STAG1: variants seen among roughly 807,000 people sequenced by gnomAD.
The protein encoded by STAG1 is cohesin subunit SA-1.
STAG1 carries 26 observed loss-of-function variants against 170.9 expected under a neutral mutation model. The ratio of observed to expected loss-of-function variants is 0.15; its 90% CI spans 0.11 to 0.21. STAG1 has a LOEUF of 0.21. Among genes scored for constraint, STAG1 ranks in the 10% least tolerant of loss-of-function variants. STAG1 has a pLI of 1.00. For missense variants in STAG1, 964 were observed against 1,509.5 expected (o/e 0.64, Z 5.99); for synonymous variants, 514 against 497.7 (o/e 1.03, Z -0.44).
At chr3:136,638,275 A>C (rs1940657456) in intron 1 of STAG1, among the ~76,000 whole-genome samples, 3 of 151,936 alleles carry the variant, frequency 2.0e-5, no homozygotes. Flanking sequence ...CTGGGATTAC[A>C]ATTACCCACC....
chr3:136,725,288 G>T (rs1157955601), intron 1 of STAG1, among the ~76,000 whole-genome samples: 1 of 152,044 alleles, frequency 6.6e-6, no homozygotes, highest in Admixed American at 6.6e-5. Context: ...GGGTGTGTGT[G>T]TGTGTGTGTT....
intron 1 of STAG1, among the ~76,000 whole-genome samples, chr3:136,638,187 C>T (rs768786925): frequency 2.7e-5 from 4 of 150,732 alleles, no homozygotes; most frequent in Non-Finnish European, 4.4e-5. Flanking sequence ...AGTGCAATGG[C>T]GCGATCTCAG....
At chr3:136,702,075 AAGAGAG>A (rs745623191) in intron 1 of STAG1, among the ~76,000 whole-genome samples, 10,755 of 91,752 alleles carry the variant, frequency 0.12, 720 homozygotes, top group Admixed American at 0.13. Flanking sequence ...ACCATGCCGA[AAGAGAG>A]AGAGAGAGAG....
chr3:136,455,713 G>A (rs977025243), intron 13 of STAG1, among the ~76,000 whole-genome samples: 4 of 152,214 alleles, frequency 2.6e-5, no homozygotes, highest in African/African-American at 9.6e-5. Context: ...CAATCCAAGC[G>A]AAGGATCAAA....
chr3:136,576,112 G>A (rs932524182), intron 4 of STAG1, among the ~76,000 whole-genome samples: 2 of 152,058 alleles, frequency 1.3e-5, no homozygotes, highest in African/African-American at 4.8e-5. Context: ...TGTCTATAAA[G>A]GAACGTTTCA....
rs1439209384 is a variant in STAG1, at chr3:136,463,783, A to ACACACG, written c.1313+1097_1313+1098insCGTGTG. ...TGTGTGTGTGTATACACACACACAC[A>ACACACG]CACACACATATACATATACATACAT... On this transcript the variant is annotated intron_variant, in intron 13 of 33. Coordinates refer to ENST00000383202, the MANE Select transcript of STAG1 (RefSeq NM_005862.3). Among the ~76,000 whole-genome samples the ACACACG allele has an allele frequency of 5.9e-4, 80 of 135,202 alleles. 1 individual carries two copies. The highest frequency in any genetic ancestry group is 9.7e-4 in the Non-Finnish European group (59 of 60,538). 88.7% of individuals were successfully genotyped at this position (135,202 alleles called of 152,430 possible).
chr3:136,376,013 TAACA>T (rs1187017691), intron 23 of STAG1, among the ~76,000 whole-genome samples: 2 of 15,710 alleles, frequency 1.3e-4, no homozygotes, highest in African/African-American at 3.0e-4. Context: ...AATAAATAAT[TAACA>T]AAATAAAATA....
At chr3:136,748,202 C>T (rs928590262) in intron 1 of STAG1, among the ~76,000 whole-genome samples, 1 of 151,688 alleles carries the variant, frequency 6.6e-6, no homozygotes, top group African/African-American at 2.4e-5. Flanking sequence ...GGTCAAGAGA[C>T]CAGCCTGGCC....
intron 4 of STAG1, among the ~76,000 whole-genome samples, chr3:136,581,526 G>T (rs1434912126): frequency 6.6e-6 from 1 of 152,118 alleles, no homozygotes; most frequent in Non-Finnish European, 1.5e-5. Context: ...GACAAATAAT[G>T]TATTTAAATG....
Position 136,336,921 on chromosome 3 carries a change from GTT to G in STAG1, c.*1331_*1332del, listed in dbSNP as rs1205448834. On this transcript the variant is annotated 3_prime_UTR_variant, in exon 34 of 34. Coordinates refer to ENST00000383202, the MANE Select transcript of STAG1 (RefSeq NM_005862.3). ...CCCAGAAACAGCTGTGGATGAATTG[GTT>G]TGGAAATTCTGAGGCTTACTTTAGA... The G allele has an allele frequency of 6.6e-6, 1 of 151,248 alleles. No individual in the cohort carries two copies. Among genetic ancestry groups the G allele is most frequent in the Non-Finnish European group, 1.5e-5 (1 of 67,930 alleles). 9.4% of individuals were successfully genotyped at this position (151,248 alleles called of 1,614,324 possible).
chr3:136,489,066 C>T (rs997269718), intron 9 of STAG1, among the ~76,000 whole-genome samples: 4 of 151,968 alleles, frequency 2.6e-5, no homozygotes, highest in African/African-American at 9.7e-5. Flanking sequence ...AGCATTCAGG[C>T]CTTGAAATTA....
rs1256533995 is a variant in STAG1 at position 136,468,885 on chromosome 3, C to T, written c.1205+3528G>A. Among the ~76,000 whole-genome samples the T allele has an allele frequency of 4.6e-5, 7 of 152,078 alleles. No individual in the cohort carries two copies. In the East Asian group the frequency reaches 5.8e-4, roughly 13 times the overall value. Reference sequence around the variant, plus strand: ...ATATGAACAGAACCAAAGACAAAAACGACATGATTATCTCAATACATGCAG... The same window carrying T: ...ATATGAACAGAACCAAAGACAAAAATGACATGATTATCTCAATACATGCAG... On this transcript the variant is annotated intron_variant, in intron 12 of 33. Coordinates refer to ENST00000383202, the MANE Select transcript of STAG1 (RefSeq NM_005862.3).
chr3:136,485,524 G>A (rs933870789), intron 9 of STAG1, among the ~76,000 whole-genome samples: 2 of 152,126 alleles, frequency 1.3e-5, no homozygotes, highest in African/African-American at 4.8e-5. Context: ...TACTGAACAT[G>A]CGTGGGACAA....
chr3:136,518,897 G>C (rs1934517551), intron 7 of STAG1, among the ~76,000 whole-genome samples: 1 of 152,010 alleles, frequency 6.6e-6, no homozygotes, highest in South Asian at 2.1e-4. Flanking sequence ...GTGGAAAAGA[G>C]ACACAGAAAG....
chr3:136,676,912 T>G (rs1312259420), intron 1 of STAG1, among the ~76,000 whole-genome samples: 1 of 150,988 alleles, frequency 6.6e-6, no homozygotes, highest in Non-Finnish European at 1.5e-5. Flanking sequence ...GGCATACACA[T>G]TAGCCTAGAC....
intron 12 of STAG1, among the ~76,000 whole-genome samples, chr3:136,467,291 G>T (rs9848623): frequency 0.36 from 55,092 of 151,636 alleles, 11,049 homozygotes; most frequent in African/African-American, 0.52. Context: ...ACACATAGGC[G>T]CAAAATAAAG....
intron 4 of STAG1, among the ~76,000 whole-genome samples, chr3:136,590,148 T>G (rs1165788042): frequency 6.7e-6 from 1 of 148,250 alleles, no homozygotes; most frequent in Non-Finnish European, 1.5e-5. Flanking sequence ...AAAATACATG[T>G]ATCTCTGAGA....
intron 1 of STAG1, among the ~76,000 whole-genome samples, chr3:136,668,382 AATATATAAAATATATATTATGTATAAT>A (rs1484022258): frequency 6.8e-6 from 1 of 146,152 alleles, no homozygotes; most frequent in Non-Finnish European, 1.5e-5. Context: ...TATTATACAT[AATATATAAAATATATATTATGTATAAT>A]ATATATAAAA....
intron 25 of STAG1, among the ~76,000 whole-genome samples, chr3:136,365,139 T>G (rs1194419070): frequency 6.6e-6 from 1 of 152,182 alleles, no homozygotes; most frequent in Non-Finnish European, 1.5e-5. Flanking sequence ...ATAAAAGTTC[T>G]GAATAAGACT....
Sources: gnomAD v4.1 joint callset for allele counts (sites outside exome capture counted in the v4.1 genomes callset) on GRCh38, gnomAD v4.1.1 for gene constraint, MANE v1.5 for transcripts, NCBI Gene and HGNC (gene_info 2026-07-23, HGNC 2026-07-21) for gene names.